The following NRG3 variants were observed in gnomAD, a reference collection of about 807,000 sequenced individuals.
The protein encoded by NRG3 is neuregulin 3.
NRG3 carries 31 observed loss-of-function variants against 66.9 expected under a neutral mutation model. The ratio of observed to expected loss-of-function variants is 0.46; its 90% confidence interval spans 0.35 to 0.63. The LOEUF (loss-of-function observed/expected upper bound fraction) is 0.63. NRG3 is among the 20% of genes least tolerant of loss of function. The pLI, the probability that NRG3 is intolerant of heterozygous loss-of-function variation, is 0.00. For synonymous variants in NRG3, 393 were observed against 359.4 expected, an observed-to-expected ratio of 1.09 and a Z score of -1.06; for missense variants, 910 against 878.9, an observed-to-expected ratio of 1.04 and a Z score of -0.45.
At chr10:82,365,748 G>A (rs887795438) in intron 2 of NRG3, among the ~76,000 whole-genome samples, 12 of 152,136 alleles carry the variant, frequency 7.9e-5, no homozygotes, top group Admixed American at 7.2e-4. Flanking sequence ...ACATCATTTA[G>A]TTATTAGCCA....
intron 5 of NRG3, among the ~76,000 whole-genome samples, chr10:82,951,785 G>A (rs560698168): frequency 5.9e-5 from 9 of 152,210 alleles, no homozygotes; most frequent in East Asian, 3.9e-4. Flanking sequence ...ACATGTGTGC[G>A]CGGTTTATCT....
At chr10:82,886,142 C>CGG (rs1842707942) in intron 4 of NRG3, among the ~76,000 whole-genome samples, 1 of 151,616 alleles carries the variant, frequency 6.6e-6, no homozygotes, top group African/African-American at 2.4e-5. Context: ...TTGGGATTTC[C>CGG]GGCGTGAGCC....
chr10:82,950,991 CAT>C (rs1322060275), intron 4 of NRG3, among the ~76,000 whole-genome samples: 2 of 149,310 alleles, frequency 1.3e-5, no homozygotes, highest in African/African-American at 4.8e-5. Context: ...TGATGTCAAT[CAT>C]AGTGATAGTA....
chr10:82,069,177 T>C (rs1394368440), intron 1 of NRG3, among the ~76,000 whole-genome samples: 2 of 152,170 alleles, frequency 1.3e-5, no homozygotes, highest in Non-Finnish European at 2.9e-5. Context: ...TGTGCAGGCC[T>C]ACTAGGGTGC....
At chr10:82,865,311 G>T in intron 3 of NRG3, 100 bp from the exon 4 acceptor site, 1 of 1,204,824 alleles carries the variant, frequency 8.3e-7, no homozygotes, top group Non-Finnish European at 1.2e-6. Context: ...GCCTTGCCTT[G>T]GAGGGTTAGT....
intron 2 of NRG3, among the ~76,000 whole-genome samples, chr10:82,548,624 A>G (rs910862362): frequency 1.3e-5 from 2 of 152,026 alleles, no homozygotes; most frequent in Non-Finnish European, 2.9e-5. Context: ...CAGGACCTGG[A>G]AAAACAGAAC....
intron 1 of NRG3, among the ~76,000 whole-genome samples, chr10:82,127,816 A>T (rs979996829): frequency 1.3e-5 from 2 of 151,920 alleles, no homozygotes; most frequent in Admixed American, 6.6e-5. Flanking sequence ...ATAGTGGGGC[A>T]TCCCCACCCT....
At chr10:82,117,558 A>C (rs2132319884) in intron 1 of NRG3, among the ~76,000 whole-genome samples, 1 of 152,210 alleles carries the variant, frequency 6.6e-6, no homozygotes. Context: ...TAGGAAGACA[A>C]GTCACATATT....
At chr10:82,578,438 C>T (rs2046163218) in intron 2 of NRG3, among the ~76,000 whole-genome samples, 1 of 150,762 alleles carries the variant, frequency 6.6e-6, no homozygotes, top group African/African-American at 2.4e-5. Context: ...AATAAGTAAA[C>T]AAATAAGTAT....
intron 1 of NRG3, among the ~76,000 whole-genome samples, chr10:82,034,285 C>T (rs1589851338): frequency 6.6e-6 from 1 of 151,952 alleles, no homozygotes; most frequent in East Asian, 1.9e-4. Flanking sequence ...TATGTTTACA[C>T]AAAATTGTGC....
intron 2 of NRG3, among the ~76,000 whole-genome samples, chr10:82,511,759 G>A (rs1166902357): frequency 6.6e-6 from 1 of 152,056 alleles, no homozygotes; most frequent in Non-Finnish European, 1.5e-5. Flanking sequence ...CTGCCCTGTA[G>A]TGAACAAGGG....
At chr10:82,895,201 G>C (rs1010687713) in intron 4 of NRG3, among the ~76,000 whole-genome samples, 3 of 152,116 alleles carry the variant, frequency 2.0e-5, no homozygotes, top group African/African-American at 4.8e-5. Context: ...TGATATTGCT[G>C]TTAATATGTA....
intron 1 of NRG3, among the ~76,000 whole-genome samples, chr10:82,097,498 TTAGA>T (rs141339189): frequency 0.033 from 4,839 of 148,750 alleles, 286 homozygotes; most frequent in African/African-American, 0.11. Flanking sequence ...AATATATATG[TTAGA>T]TACAGATATA....
At chr10:82,596,489 C>A (rs576884199) in intron 2 of NRG3, among the ~76,000 whole-genome samples, 11 of 152,112 alleles carry the variant, frequency 7.2e-5, no homozygotes, top group Non-Finnish European at 1.5e-4. Context: ...TTTTCCATTT[C>A]AAACTGGTTG....
intron 1 of NRG3, among the ~76,000 whole-genome samples, chr10:81,981,072 C>G (rs2060315556): frequency 6.6e-6 from 1 of 152,150 alleles, no homozygotes; most frequent in South Asian, 2.1e-4. Context: ...TCTCCAAAAT[C>G]CCTGTCCTTC....
intron 2 of NRG3, among the ~76,000 whole-genome samples, chr10:82,643,804 T>C (rs1297653162): frequency 6.6e-6 from 1 of 151,936 alleles, no homozygotes; most frequent in Admixed American, 6.6e-5. Flanking sequence ...GTTCTACTTA[T>C]TCGTTATTTG....
chr10:82,166,965 C>A, intron 1 of NRG3: 1 of 443,066 alleles, frequency 2.3e-6, no homozygotes, highest in Non-Finnish European at 4.0e-6. Context: ...AAGAAATCTG[C>A]CATCTTTCTT....
intron 2 of NRG3, among the ~76,000 whole-genome samples, chr10:82,461,661 C>T (rs2091521035): frequency 1.3e-5 from 2 of 152,192 alleles, no homozygotes; most frequent in Admixed American, 6.5e-5. Context: ...CTGTTAGTTA[C>T]GTGAGAAAAC....
At chr10:82,640,425 A>G (rs1469222036) in intron 2 of NRG3, among the ~76,000 whole-genome samples, 1 of 152,200 alleles carries the variant, frequency 6.6e-6, no homozygotes, top group Non-Finnish European at 1.5e-5. Context: ...GAATAAGTCA[A>G]ACTTTGGACT....
Sources: allele counts gnomAD v4.1 joint callset (sites outside exome capture counted in the v4.1 genomes callset), GRCh38; gene constraint gnomAD v4.1.1; transcripts MANE v1.5; gene names NCBI Gene and HGNC (gene_info 2026-07-23, HGNC 2026-07-21).